Variants in PTPN3 observed in about 807,000 individuals in gnomAD.
The protein encoded by PTPN3 is tyrosine-protein phosphatase non-receptor type 3.
Under a neutral mutation model 132.7 loss-of-function variants are expected in PTPN3, and 96 were observed. The ratio of observed to expected loss-of-function variants is 0.72; its 90% CI spans 0.61 to 0.86. The LOEUF is 0.86. Among genes scored for constraint, PTPN3 ranks in the 40% least tolerant of loss-of-function variants. PTPN3 has a pLI of 0.00. For missense variants in PTPN3, 1,125 were observed against 1,159.6 expected (o/e 0.97, Z 0.43); for synonymous variants, 398 against 429.0 (o/e 0.93, Z 0.89).
intron 1 of PTPN3, among the ~76,000 whole-genome samples, chr9:109,487,205 G>A (rs924539984): frequency 1.3e-5 from 2 of 152,130 alleles, no homozygotes; most frequent in African/African-American, 2.4e-5. Flanking sequence ...GGTGTGGAAG[G>A]TAGGAGGGGA....
In PTPN3 at chr9:109,455,226, C is replaced by T. The variant is rs150278631; in HGVS notation, c.290-652G>A. Reference sequence around the variant, plus strand: ...ATCACACAATGAACATATTCAAATACGGCTTTATGCATCAACATCTAGAGT... The same window carrying T: ...ATCACACAATGAACATATTCAAATATGGCTTTATGCATCAACATCTAGAGT... On this transcript the variant is annotated intron_variant, in intron 4 of 25. Coordinates refer to ENST00000374541, the MANE Select transcript of PTPN3 (RefSeq NM_002829.4). 9.2e-5 allele frequency among the ~76,000 whole-genome samples: 14 copies of T among 152,302 alleles called. 1 individual carries two copies. The highest frequency in any genetic ancestry group is 7.2e-4 in the Admixed American group (11 of 15,306).
intron 15 of PTPN3, 31 bp downstream of exon 15, chr9:109,410,198 G>A: frequency 6.2e-7 from 1 of 1,611,298 alleles, no homozygotes; most frequent in African/African-American, 1.3e-5. Flanking sequence ...CCCTGGGTGT[G>A]TGGATCACCC....
intron 2 of PTPN3, among the ~76,000 whole-genome samples, chr9:109,460,027 C>T (rs1233482637): frequency 6.6e-6 from 1 of 152,116 alleles, no homozygotes; most frequent in Non-Finnish European, 1.5e-5. Flanking sequence ...AACCTCCTGA[C>T]TCTTCTATCT....
the PTPN3 span, chr9:109,533,955 T>C: frequency 2.6e-6 from 2 of 756,464 alleles, no homozygotes; most frequent in South Asian, 1.5e-5. Context: ...CCAGGACCTA[T>C]AACATGTGCT....
intron 17 of PTPN3, among the ~76,000 whole-genome samples, chr9:109,407,086 C>G (rs545636607): frequency 6.6e-6 from 1 of 152,148 alleles, no homozygotes; most frequent in Non-Finnish European, 1.5e-5. Context: ...GGAAAGAAAG[C>G]CTTCTGAATT....
chr9:109,486,058 G>A (rs1847191413), intron 1 of PTPN3, among the ~76,000 whole-genome samples: 1 of 152,334 alleles, frequency 6.6e-6, no homozygotes, highest in East Asian at 1.9e-4. Context: ...CTGAAGACAG[G>A]TCTGCAGGAC....
intron 20 of PTPN3, 134 bp from the exon 21 acceptor site, chr9:109,391,333 G>C: frequency 7.9e-7 from 1 of 1,266,806 alleles, no homozygotes; most frequent in South Asian, 1.4e-5. Context: ...ACTGTTCCGA[G>C]TCTGAAATGG....
In PTPN3 at chr9:109,436,901, T is replaced by C. The variant is rs748648623; in HGVS notation, c.657A>G (p.Val219=). The change falls in exon 9 of 26, where the codon GTA becomes GTG. Residue 219 remains valine (V), a synonymous_variant. Transcript: ENST00000374541. ...NIARTLDFYG[V]ELHSGRDLHN... ...TACATACCCTACCACTGTGCAGTTC[T>C]ACTCCATAGAAGTCGAGGGTCCGCG... 6.2e-7 allele frequency: 1 copy of C among 1,614,130 alleles called. No individual in the cohort carries two copies.
intron 9 of PTPN3, 32 bp downstream of exon 9, chr9:109,436,851 T>C (rs1435953120): frequency 6.3e-7 from 1 of 1,583,390 alleles, no homozygotes; most frequent in Non-Finnish European, 8.6e-7. Flanking sequence ...AAAAACATAA[T>C]GTTTGAGCCA....
At chr9:109,443,985 C>T (rs541104881) in intron 7 of PTPN3, among the ~76,000 whole-genome samples, 1 of 152,224 alleles carries the variant, frequency 6.6e-6, no homozygotes, top group South Asian at 2.1e-4. Flanking sequence ...CTGTTCTTTC[C>T]TGGTAGGGAA....
intron 1 of PTPN3, among the ~76,000 whole-genome samples, chr9:109,472,220 G>C (rs1238646380): frequency 6.6e-6 from 1 of 152,142 alleles, no homozygotes; most frequent in Non-Finnish European, 1.5e-5. Context: ...AGATGTCTTG[G>C]CTTGTTCACT....
intron 1 of PTPN3, among the ~76,000 whole-genome samples, chr9:109,465,706 C>CAAAAAAAAAA (rs34634972): frequency 1.5e-4 from 10 of 64,818 alleles, no homozygotes; most frequent in Admixed American, 2.1e-4. Flanking sequence ...AACTCTGTCT[C>CAAAAAAAAAA]AAAAAAAAAA....
chr9:109,531,227 C>T, the PTPN3 span, among the ~76,000 whole-genome samples: 1 of 152,160 alleles, frequency 6.6e-6, no homozygotes, highest in Non-Finnish European at 1.5e-5. Context: ...TTTCAATTGT[C>T]CACTAGTTAT....
At position 109,379,960 on chromosome 9, in the gene PTPN3, C is replaced by T. The variant is rs546233377; in HGVS notation, c.2665-327G>A. On this transcript the variant is annotated intron_variant, in intron 25 of 25. Transcript: ENST00000374541. ...CTCAGTAAGAGCCCATTTTGAGAAA[C>T]GGGGTCAGGGAGCCTGCTCCTGGAC... is the stretch of plus-strand genomic sequence containing the variant. Among the ~76,000 whole-genome samples the T allele has an allele frequency of 3.9e-5, 6 of 152,212 alleles. No homozygotes were observed. In the South Asian group the frequency reaches 1.0e-3, roughly 26 times the overall value.
chr9:109,379,750 GC>G, intron 25 of PTPN3, 117 bp from the exon 26 acceptor site: 1 of 856,222 alleles, frequency 1.2e-6, no homozygotes, highest in Non-Finnish European at 1.9e-6. Context: ...CCAACTCTGG[GC>G]CACAGGCCAG....
At chr9:109,536,049 C>T in the PTPN3 span, among the ~76,000 whole-genome samples, 1 of 152,170 alleles carries the variant, frequency 6.6e-6, no homozygotes, top group African/African-American at 2.4e-5. Context: ...CCCTGGCAAC[C>T]ACCAATCTGC....
intron 19 of PTPN3, among the ~76,000 whole-genome samples, chr9:109,403,022 G>C (rs1841275576): frequency 6.6e-6 from 1 of 152,214 alleles, no homozygotes; most frequent in Non-Finnish European, 1.5e-5. Context: ...AGGCTGAAGT[G>C]AGCCAAGATG....
At chr9:109,404,015 G>A (rs150932713) in intron 19 of PTPN3, among the ~76,000 whole-genome samples, 135 of 152,338 alleles carry the variant, frequency 8.9e-4, no homozygotes, top group African/African-American at 3.2e-3. Context: ...GGTGGTCAGA[G>A]AGCTGGTTCC....
chr9:109,525,239 G>A, the PTPN3 span, among the ~76,000 whole-genome samples: 2 of 151,916 alleles, frequency 1.3e-5, no homozygotes, highest in African/African-American at 2.4e-5. Flanking sequence ...AAATGTTTTT[G>A]TAGAAATGGG....
Sources: gnomAD v4.1 joint callset for allele counts (sites outside exome capture counted in the v4.1 genomes callset) on GRCh38, gnomAD v4.1.1 for gene constraint, MANE v1.5 for transcripts, NCBI Gene and HGNC (gene_info 2026-07-23, HGNC 2026-07-21) for gene names.